ARHGEF2: variants seen among roughly 807,000 people sequenced by gnomAD.
The protein encoded by ARHGEF2 is Rho/Rac guanine nucleotide exchange factor 2.
A neutral mutation model predicts 121.0 loss-of-function variants in ARHGEF2; 22 were observed. That is an observed-to-expected ratio of 0.18 (90% CI 0.13 to 0.26). The LOEUF (loss-of-function observed/expected upper bound fraction) is 0.26. ARHGEF2 is among the 10% of genes least tolerant of loss of function. The pLI, the probability that ARHGEF2 is intolerant of heterozygous loss-of-function variation, is 1.00. For synonymous variants in ARHGEF2, 487 were observed against 530.0 expected (o/e 0.92, Z 1.11); for missense variants, 907 against 1,336.0 (o/e 0.68, Z 5.01).
chr1:155,952,123 G>A lies in ARHGEF2; in HGVS notation c.2097C>T (p.Val699=). 1 of 1,614,120 alleles carries A rather than the reference G, an allele frequency of 6.2e-7. No individual in the cohort carries two copies. The highest frequency in any genetic ancestry group is 1.3e-5 in the African/African-American group (1 of 75,034). The change falls in exon 16 of 22, where the codon GTC becomes GTT. Residue 699 remains valine, a synonymous_variant. Transcript: ENST00000361247. ...PDSGGNTSPG[V]TANGEARTFN... Reference sequence around the variant, plus strand: ...CCCTGCCCTGGTACTCACTGGCAGTGACCCCAGGACTCGTGTTACCACCGC... The same window carrying A: ...CCCTGCCCTGGTACTCACTGGCAGTAACCCCAGGACTCGTGTTACCACCGC...
chr1:155,978,521 T>G lies in ARHGEF2; in HGVS notation c.-94A>C. On this transcript the variant is annotated 5_prime_UTR_variant, in exon 1 of 22. Transcript: ENST00000361247. The surrounding 1 kb of genome is among the most constrained non-coding windows in gnomAD (Gnocchi z 4.1). ...GGGGAGGGGTTCGGCCCGCACGCGTTGGTCTCGGGGACAGGAAGTCTGACT... is the reference window on the plus strand; with the variant it reads ...GGGGAGGGGTTCGGCCCGCACGCGTGGGTCTCGGGGACAGGAAGTCTGACT... 7.7e-7 allele frequency: 1 copy of G among 1,303,180 alleles called. No individual in the cohort carries two copies. The highest frequency in any genetic ancestry group is 9.9e-7 in the Non-Finnish European group (1 of 1,014,696). 80.7% of individuals were successfully genotyped at this position (1,303,180 alleles called of 1,614,324 possible).
rs1679095814 is a variant in ARHGEF2 at position 155,965,094 on chromosome 1, C to T, written c.618G>A (p.Glu206=). 6.2e-7 allele frequency: 1 copy of T among 1,613,972 alleles called. No individual in the cohort carries two copies. The highest frequency in any genetic ancestry group is 1.3e-5 in the African/African-American group (1 of 74,884). The change falls in exon 7 of 22, where the codon GAG becomes GAA. Residue 206 remains glutamate, a synonymous_variant. Transcript: ENST00000361247. The surrounding 1 kb of genome is among the most constrained non-coding windows in gnomAD (Gnocchi z 6.0). ...CAGCTGCAAAGTCCTTCTCATCCAT[C>T]TCAAAGTCACTCATCAGCTCACTGT... The part of the protein sequence containing the change: ...VIYSELMSDF[E]MDEKDFAADS...
chr1:155,962,706 T>G lies in ARHGEF2; in HGVS notation c.988A>C (p.Ser330Arg). The G allele has an allele frequency of 6.2e-7, 1 of 1,614,158 alleles. No individual in the cohort carries two copies. The change falls in exon 9 of 22, where the codon AGT (serine) becomes CGT (arginine). Residue 330 changes from serine to arginine, a missense_variant. Coordinates refer to ENST00000361247, the MANE Select transcript of ARHGEF2 (RefSeq NM_001162383.2). This position sits in a 1 kb window ranked among gnomAD's most constrained non-coding sequence, Gnocchi z 5.8. ...TAGGTCTTACACATCTGCTCCGCAC[T>G]AGGACCTGAGAACTAGAAGTTGGTC... is the stretch of plus-strand genomic sequence containing the variant. ...DLLISQFSGPSAEQMCKTYSE... is the reference protein window; with the variant it reads ...DLLISQFSGPRAEQMCKTYSE...
chr1:155,952,695 G>T lies in ARHGEF2; in HGVS notation c.1917C>A (p.Gly639=), dbSNP rs151138617. ...ACTCAAGGGACTCAGAGCGGAAAAG[G>T]CCCCTGGGCAGGGTGGGCAGGGCCA... ...SGMALPTLPR[G]LFRSESLESP... Residue 639 remains glycine, a synonymous_variant, in exon 15 of 22, where the codon GGC becomes GGA. Transcript: ENST00000361247. The T allele has an allele frequency of 1.4e-5, 23 of 1,614,098 alleles. No homozygotes were observed. In the African/African-American group the frequency reaches 2.3e-4, roughly 16 times the overall value.
intron 1 of ARHGEF2, among the ~76,000 whole-genome samples, chr1:155,974,853 G>GT (rs987606736): frequency 4.7e-5 from 2 of 42,680 alleles, no homozygotes; most frequent in Admixed American, 7.3e-4. Context: ...CAGAAAGAGA[G>GT]GGGGGGTAAG....
intron 1 of ARHGEF2, chr1:155,970,127 GGA>G: frequency 2.0e-6 from 2 of 985,386 alleles, no homozygotes; most frequent in Non-Finnish European, 2.4e-6. Context: ...TTAAAACCTA[GGA>G]GAGTTTCCTC....
chr1:155,967,529 T>C (rs1332445870), intron 2 of ARHGEF2, among the ~76,000 whole-genome samples: 1 of 152,076 alleles, frequency 6.6e-6, no homozygotes. Context: ...CCACATGCCC[T>C]GGACTCTGGC....
At chr1:155,953,703 C>T (rs946481446) in intron 14 of ARHGEF2, among the ~76,000 whole-genome samples, 2 of 146,608 alleles carry the variant, frequency 1.4e-5, no homozygotes, top group African/African-American at 5.1e-5. Flanking sequence ...GATCACGCCA[C>T]GCCACTGCAC....
At position 155,947,689 on chromosome 1, in the gene ARHGEF2, T is replaced by C; in HGVS notation, c.*253A>G. The C allele has an allele frequency of 2.0e-6, 1 of 507,186 alleles. No homozygotes were observed. The highest frequency in any genetic ancestry group is 2.8e-5 in the South Asian group (1 of 35,554). The allele number at this position is 507,186 out of a possible 1,614,324, so 31.4% of individuals were successfully genotyped here. On this transcript the variant is annotated 3_prime_UTR_variant, in exon 22 of 22. Transcript: ENST00000361247. ...ACTAATAAACAATAAATAAATAAAT[T>C]TTCCTAAAGTTGCGGGAAGAAGGCA...
intron 15 of ARHGEF2, 117 bp from the exon 16 acceptor site, chr1:155,952,352 G>T (rs1675663402): frequency 1.4e-6 from 2 of 1,436,418 alleles, no homozygotes; most frequent in Non-Finnish European, 9.4e-7. Context: ...TGCACTGGCA[G>T]TGGGGTTTCA....
At position 155,958,311 on chromosome 1, in the gene ARHGEF2, ATG is replaced by A. The variant is rs1270479432; in HGVS notation, c.1545+7_1545+8del. On this transcript the variant is annotated splice_region_variant and intron_variant, in intron 12 of 21. Transcript: ENST00000361247. ...CTGTGCTGAGAAAGGTGAAGAATGAATGTCTCACCAGGGTAGGAAAGATGTAC... is the reference window on the plus strand; with the variant it reads ...CTGTGCTGAGAAAGGTGAAGAATGAATCTCACCAGGGTAGGAAAGATGTAC... 1.9e-6 allele frequency: 3 copies of A among 1,609,004 alleles called. No homozygotes were observed. The East Asian group carries it at 6.7e-5, about 36-fold the overall frequency.
At chr1:155,972,262 C>T (rs752755724) in intron 1 of ARHGEF2, 8 of 467,264 alleles carry the variant, frequency 1.7e-5, no homozygotes, top group African/African-American at 1.4e-4. Context: ...CACCCTCTCT[C>T]GAAGTGACCC....
Position 155,952,210 on chromosome 1 carries a change from C to T in ARHGEF2, c.2010G>A (p.Val670=). Residue 670 remains valine, a synonymous_variant, in exon 16 of 22, where the codon GTG becomes GTA. Coordinates refer to ENST00000361247, the MANE Select transcript of ARHGEF2 (RefSeq NM_001162383.2). The stretch of plus-strand genomic sequence containing the variant: ...TCAAGAGCAGTTCCACTCCTGGCCC[C>T]ACCAGCAGGTCTTTCAGACCCTCCA... The part of the protein sequence containing the change: ...REVEGLKDLL[V]GPGVELLLTP... 6.2e-7 allele frequency: 1 copy of T among 1,614,158 alleles called. No individual in the cohort carries two copies. Among genetic ancestry groups the T allele is most frequent in the Non-Finnish European group, 8.5e-7 (1 of 1,180,020 alleles).
At chr1:155,974,942 C>T (rs538282467) in intron 1 of ARHGEF2, among the ~76,000 whole-genome samples, 18 of 152,200 alleles carry the variant, frequency 1.2e-4, no homozygotes, top group South Asian at 4.1e-4. Flanking sequence ...CAAGGCAGGC[C>T]GGCTGGGTTG....
rs563647107 is a variant in ARHGEF2 at position 155,977,799 on chromosome 1, A to G, written c.63+566T>C. 1.5e-4 allele frequency among the ~76,000 whole-genome samples: 22 copies of G among 151,704 alleles called. No individual in the cohort carries two copies. In the South Asian group the frequency reaches 3.4e-3, roughly 23 times the overall value. ...GAGGGGAGAACTGAATCACAGCTGG[A>G]AAGTCCATTTGCGAGGAGAGGAGGA... is the stretch of plus-strand genomic sequence containing the variant. On this transcript the variant is annotated intron_variant, in intron 1 of 21. Transcript: ENST00000361247.
At position 155,952,676 on chromosome 1, in the gene ARHGEF2, G is replaced by A. The variant is rs1675739048; in HGVS notation, c.1936C>T (p.Leu646Phe). The part of the protein sequence containing the change: ...LPRGLFRSES[L>F]ESPRGERLLQ... The stretch of plus-strand genomic sequence containing the variant: ...AGCCGCTCGCCACGAGGGGACTCAA[G>A]GGACTCAGAGCGGAAAAGGCCCCTG... Residue 646 changes from leucine (L) to phenylalanine (F), a missense_variant, in exon 15 of 22, where the codon CTT (leucine) becomes TTT (phenylalanine). Physicochemically the swap from Leu to Phe is conservative, Grantham distance 22. Transcript: ENST00000361247. 1.2e-6 allele frequency: 2 copies of A among 1,614,048 alleles called. No individual in the cohort carries two copies. Among genetic ancestry groups the A allele is most frequent in the Non-Finnish European group, 1.7e-6 (2 of 1,180,008 alleles).
At position 155,954,882 on chromosome 1, in the gene ARHGEF2, C is replaced by A. The variant is rs1676356206; in HGVS notation, c.1783+20G>T. 1.9e-6 allele frequency: 3 copies of A among 1,606,778 alleles called. No homozygotes were observed. The highest frequency in any genetic ancestry group is 1.7e-6 in the Non-Finnish European group (2 of 1,175,478). ...GAATGTATTATAAATTACTAAGGAG[C>A]TCCTTGTGGGTGGACTTACTCTTAA... On this transcript the variant is annotated intron_variant, in intron 14 of 21. Transcript: ENST00000361247.
At position 155,978,231 on chromosome 1, in the gene ARHGEF2, CGCTCGCCGAT is replaced by C; in HGVS notation, c.63+124_63+133del. On this transcript the variant is annotated intron_variant, in intron 1 of 21. Transcript: ENST00000361247. The surrounding 1 kb of genome is among the most constrained non-coding windows in gnomAD (Gnocchi z 4.1). ...GCAGTCCCCACCCACCCCGTCCCGC[CGCTCGCCGAT>C]CCACCGCTCCGCCCGATTTTGGCGC... The C allele has an allele frequency of 7.5e-7, 1 of 1,337,598 alleles. No individual in the cohort carries two copies. The highest frequency in any genetic ancestry group is 9.7e-7 in the Non-Finnish European group (1 of 1,029,930). The allele number at this position is 1,337,598 out of a possible 1,614,324, so 82.9% of individuals were successfully genotyped here.
upstream of ARHGEF2, chr1:155,978,550 C>T (rs1321134140): frequency 2.4e-6 from 3 of 1,269,222 alleles, no homozygotes; most frequent in African/African-American, 4.6e-5. This position sits in a 1 kb window ranked among gnomAD's most constrained non-coding sequence, Gnocchi z 4.1. Flanking sequence ...TCTGACTCCC[C>T]TCGCCCGGCA....
Sources: gnomAD v4.1 joint callset for allele counts (sites outside exome capture counted in the v4.1 genomes callset) on GRCh38, gnomAD v4.1.1 for gene constraint, Gnocchi (gnomAD v3.1) non-coding constraint, MANE v1.5 for transcripts, NCBI Gene and HGNC (gene_info 2026-07-23, HGNC 2026-07-21) for gene names.